The following MDGA2 variants were observed in gnomAD, a reference collection of about 807,000 sequenced individuals.
The protein encoded by MDGA2 is MAM domain-containing glycosylphosphatidylinositol anchor protein 2.
In MDGA2, 40 loss-of-function variants were observed where a neutral mutation model predicts 117.8. The observed-to-expected ratio is 0.34, with a 90% confidence interval of 0.26 to 0.44. The LOEUF (loss-of-function observed/expected upper bound fraction) is 0.44, where lower values mean the gene tolerates loss of function less well. MDGA2 is among the 20% of genes least tolerant of loss of function. MDGA2 has a pLI of 1.00. For synonymous variants in MDGA2, 452 were observed against 439.0 expected, an observed-to-expected ratio of 1.03 and a Z score of -0.37; for missense variants, 1,123 against 1,250.6, an observed-to-expected ratio of 0.90 and a Z score of 1.54.
chr14:47,140,400 G>A (rs1246485828), intron 4 of MDGA2, among the ~76,000 whole-genome samples: 3 of 151,926 alleles, frequency 2.0e-5, no homozygotes, highest in Admixed American at 2.0e-4. Flanking sequence ...AAACAACAAA[G>A]TTGGCATCAT....
intron 1 of MDGA2, among the ~76,000 whole-genome samples, chr14:47,600,554 A>G (rs927100501): frequency 4.6e-5 from 7 of 152,122 alleles, no homozygotes; most frequent in African/African-American, 1.4e-4. Context: ...ATTGTGTCCA[A>G]ACTTTTTCCA....
At chr14:47,327,117 G>C (rs929297236) in intron 1 of MDGA2, among the ~76,000 whole-genome samples, 3 of 152,182 alleles carry the variant, frequency 2.0e-5, no homozygotes, top group Non-Finnish European at 4.4e-5. Flanking sequence ...CCAGGCAGGA[G>C]CCATTACTTG....
At chr14:46,936,274 A>G (rs1444703688) in intron 9 of MDGA2, among the ~76,000 whole-genome samples, 1 of 152,130 alleles carries the variant, frequency 6.6e-6, no homozygotes, top group Non-Finnish European at 1.5e-5. Flanking sequence ...CAAAGGGACA[A>G]TCAGAGAACA....
chr14:47,031,741 C>A (rs901405773), intron 8 of MDGA2, among the ~76,000 whole-genome samples: 10 of 152,052 alleles, frequency 6.6e-5, no homozygotes, highest in Non-Finnish European at 1.3e-4. Context: ...ACTGCCATTG[C>A]GATAGGATAG....
chr14:47,013,974 T>A (rs1237535885), intron 8 of MDGA2, among the ~76,000 whole-genome samples: 5 of 151,408 alleles, frequency 3.3e-5, no homozygotes, highest in Non-Finnish European at 5.9e-5. Context: ...TTTGTGTTTT[T>A]AGTATAGATG....
chr14:46,975,138 A>G (rs1886407745), intron 8 of MDGA2, among the ~76,000 whole-genome samples: 1 of 152,108 alleles, frequency 6.6e-6, no homozygotes, highest in South Asian at 2.1e-4. Flanking sequence ...TAAAACTACA[A>G]TGAGATGCCA....
intron 1 of MDGA2, among the ~76,000 whole-genome samples, chr14:47,611,283 TA>T (rs1284613405): frequency 2.6e-5 from 4 of 152,088 alleles, no homozygotes; most frequent in Non-Finnish European, 4.4e-5. Context: ...AAAACCCTTC[TA>T]AACATTGGCT....
At chr14:47,674,319 C>A (rs1898133984) in intron 1 of MDGA2, among the ~76,000 whole-genome samples, 198 bp downstream of exon 1, 1 of 152,208 alleles carries the variant, frequency 6.6e-6, no homozygotes, top group African/African-American at 2.4e-5. Flanking sequence ...GAGCCAGAGC[C>A]CAGGCGCCGG....
At chr14:47,168,284 CAAAAAAAAAA>C (rs563280796) in intron 3 of MDGA2, among the ~76,000 whole-genome samples, 1 of 60,210 alleles carries the variant, frequency 1.7e-5, no homozygotes, top group African/African-American at 6.0e-5. Flanking sequence ...AACTCCATCT[CAAAAAAAAAA>C]AAAAAAAAAA....
intron 7 of MDGA2, among the ~76,000 whole-genome samples, chr14:47,041,243 AAT>A (rs1213686506): frequency 6.6e-6 from 1 of 152,060 alleles, no homozygotes; most frequent in Admixed American, 6.6e-5. Context: ...TAAATATTTG[AAT>A]AGATAAGTTA....
chr14:46,964,680 A>G (rs75726359), intron 8 of MDGA2, among the ~76,000 whole-genome samples: 17,955 of 152,198 alleles, frequency 0.12, 2,019 homozygotes, highest in African/African-American at 0.27. Context: ...ACAAAATCAA[A>G]GATATGACCG....
At chr14:47,245,208 G>A (rs1027467409) in intron 2 of MDGA2, among the ~76,000 whole-genome samples, 1 of 151,626 alleles carries the variant, frequency 6.6e-6, no homozygotes, top group Non-Finnish European at 1.5e-5. Context: ...ATTTTCTTCT[G>A]TAGAGATGAG....
chr14:46,997,779 G>A (rs1378506506), intron 8 of MDGA2, among the ~76,000 whole-genome samples: 2 of 152,112 alleles, frequency 1.3e-5, no homozygotes, highest in African/African-American at 4.8e-5. Context: ...GCATTCACAT[G>A]CTTAATAAAA....
rs770947007 is a variant in MDGA2, at chr14:47,674,804, C to G, written c.-8G>C. Reference sequence around the variant, plus strand: ...CGCACTCCACACACTCATGCACACACACACTCACACACACTCACACACTCT... The same window carrying G: ...CGCACTCCACACACTCATGCACACAGACACTCACACACACTCACACACTCT... On this transcript the variant is annotated 5_prime_UTR_variant, in exon 1 of 17. Transcript: ENST00000399232. The G allele has an allele frequency of 3.1e-6, 2 of 642,218 alleles. No homozygotes were observed. Among genetic ancestry groups the G allele is most frequent in the Non-Finnish European group, 2.8e-6 (1 of 360,372 alleles). The allele number at this position is 642,218 out of a possible 1,614,324, so 39.8% of individuals were successfully genotyped here.
intron 1 of MDGA2, among the ~76,000 whole-genome samples, chr14:47,628,099 CTT>C (rs2138215611): frequency 6.6e-6 from 1 of 152,280 alleles, no homozygotes; most frequent in Non-Finnish European, 1.5e-5. Flanking sequence ...AACCTGAACT[CTT>C]TACCAGCTTT....
At position 47,476,828 on chromosome 14, in the gene MDGA2, T is replaced by C. The variant is rs1476128426; in HGVS notation, c.281-175278A>G. On this transcript the variant is annotated intron_variant, in intron 1 of 16. Coordinates refer to ENST00000399232, the MANE Select transcript of MDGA2 (RefSeq NM_001113498.3). ...AAGCCAGTTCTGACATCAACGATCT[T>C]CTAAATCTCTTTAATATTCAATGTT... Among the ~76,000 whole-genome samples, 3 of 152,220 alleles carry C rather than the reference T, an allele frequency of 2.0e-5. No homozygotes were observed. In the East Asian group the frequency reaches 5.8e-4, roughly 29 times the overall value.
intron 1 of MDGA2, among the ~76,000 whole-genome samples, chr14:47,317,047 T>C (rs530506913): frequency 7.2e-5 from 11 of 152,242 alleles, no homozygotes; most frequent in African/African-American, 2.6e-4. Flanking sequence ...AGTGGTGTTT[T>C]GTCACTGACC....
chr14:47,274,130 C>T (rs781500247), intron 2 of MDGA2, among the ~76,000 whole-genome samples: 8 of 152,028 alleles, frequency 5.3e-5, no homozygotes, highest in Non-Finnish European at 5.9e-5. Context: ...AATATATTCA[C>T]GTGGTTGCGC....
At chr14:47,112,042 T>C (rs1479080265) in intron 5 of MDGA2, among the ~76,000 whole-genome samples, 1 of 151,954 alleles carries the variant, frequency 6.6e-6, no homozygotes, top group Admixed American at 6.6e-5. Flanking sequence ...ATCATGAACC[T>C]GTAATATGAA....
Sources: allele counts gnomAD v4.1 joint callset (sites outside exome capture counted in the v4.1 genomes callset), GRCh38; gene constraint gnomAD v4.1.1; transcripts MANE v1.5; gene names NCBI Gene and HGNC (gene_info 2026-07-23, HGNC 2026-07-21).